The following EPB41L4A variants were observed in gnomAD, a reference collection of about 807,000 sequenced individuals.
The protein encoded by EPB41L4A is band 4.1-like protein 4A.
In EPB41L4A, 100 loss-of-function variants were observed where a neutral mutation model predicts 108.6. The observed-to-expected ratio is 0.92, with a 90% confidence interval of 0.78 to 1.09. The LOEUF (loss-of-function observed/expected upper bound fraction) is 1.09, where lower values mean the gene tolerates loss of function less well. EPB41L4A is among the 50% of genes least tolerant of loss of function. The probability of loss-of-function intolerance (pLI) is 0.00; values close to 1 mark genes in which losing one functional copy is unlikely to be tolerated. For synonymous variants in EPB41L4A, 319 were observed against 289.0 expected, an observed-to-expected ratio of 1.10 and a Z score of -1.05; for missense variants, 1,030 against 842.7, an observed-to-expected ratio of 1.22 and a Z score of -2.75.
At chr5:112,270,568 G>A (rs756179475) in intron 4 of EPB41L4A, among the ~76,000 whole-genome samples, 3 of 152,084 alleles carry the variant, frequency 2.0e-5, no homozygotes, top group Non-Finnish European at 4.4e-5. Flanking sequence ...TGAAAATATG[G>A]AAACAAATAG....
intron 1 of EPB41L4A, among the ~76,000 whole-genome samples, chr5:112,399,333 G>A (rs1761584058): frequency 6.6e-6 from 1 of 151,972 alleles, no homozygotes; most frequent in Non-Finnish European, 1.5e-5. Flanking sequence ...AGATTCCCCT[G>A]TTGTATACTC....
At position 112,184,066 on chromosome 5, in the gene EPB41L4A, T is replaced by C. The variant is rs748773748; in HGVS notation, c.1572A>G (p.Glu524=). 2 of 1,614,090 alleles carry C rather than the reference T, an allele frequency of 1.2e-6. No homozygotes were observed. Among genetic ancestry groups the C allele is most frequent in the Admixed American group, 3.3e-5 (2 of 60,016 alleles). ...QWEAVLRRQK[E]KNQADPNNRR... is the part of the protein sequence containing the mutation. ...TGTTGTTGGGGTCGGCTTGGTTTTT[T>C]TCCTTTTGTCTCCTTAATACAGCTT... Residue 524 remains glutamate (E), a synonymous_variant, in exon 18 of 23, where the codon GAA becomes GAG. Transcript: ENST00000261486.
At chr5:112,311,854 G>A (rs1257558730) in intron 1 of EPB41L4A, among the ~76,000 whole-genome samples, 23 of 152,128 alleles carry the variant, frequency 1.5e-4, no homozygotes, top group Admixed American at 1.5e-3. Context: ...TCTCACTTAT[G>A]GGTCCTTTCT....
Position 112,205,559 on chromosome 5 carries a change from C to T in EPB41L4A, c.1179-55G>A. 7.6e-6 allele frequency: 10 copies of T among 1,322,502 alleles called. 1 individual carries two copies. The highest frequency in any genetic ancestry group is 2.6e-5 in the South Asian group (2 of 77,788). The allele number at this position is 1,322,502 out of a possible 1,614,324, so 81.9% of individuals were successfully genotyped here. A position where few individuals can be genotyped will look rare whatever the true frequency, so the allele number is the denominator to read the frequency against. Reference sequence around the variant, plus strand: ...AAATTAAGTAGAAAATAAAAGTAAACTCACATACTTATTTGTTAAGTAAAA... The same window carrying T: ...AAATTAAGTAGAAAATAAAAGTAAATTCACATACTTATTTGTTAAGTAAAA... On this transcript the variant is annotated intron_variant, in intron 13 of 22. Transcript: ENST00000261486.
chr5:112,304,585 T>C (rs901830902), intron 2 of EPB41L4A, among the ~76,000 whole-genome samples: 3 of 152,188 alleles, frequency 2.0e-5, no homozygotes, highest in Non-Finnish European at 4.4e-5. Flanking sequence ...ACAAAACTCA[T>C]CTTCAAAAAT....
At chr5:112,401,174 A>G (rs938102140) in intron 1 of EPB41L4A, among the ~76,000 whole-genome samples, 2 of 152,192 alleles carry the variant, frequency 1.3e-5, no homozygotes, top group Non-Finnish European at 2.9e-5. Flanking sequence ...AAGTCACAGT[A>G]ACCTGCAGAA....
At chr5:112,357,620 C>G (rs367807) in intron 1 of EPB41L4A, among the ~76,000 whole-genome samples, 132,904 of 152,204 alleles carry the variant, frequency 0.87, 58,150 homozygotes, top group South Asian at 0.97. Context: ...GAGCATCCCT[C>G]AAATGTGAAA....
rs1751367248 is a variant in EPB41L4A at position 112,259,814 on chromosome 5, C to T, written c.731+77G>A. On this transcript the variant is annotated intron_variant, in intron 8 of 22. Transcript: ENST00000261486. ...CTGGAAATATACCTGTTTTCTTTTC[C>T]CCAACTCTTTCACTGACACAGGAGT... 2.8e-6 allele frequency: 3 copies of T among 1,060,308 alleles called. No individual in the cohort carries two copies. In the East Asian group the frequency reaches 7.1e-5, roughly 25 times the overall value. 65.7% of individuals were successfully genotyped at this position (1,060,308 alleles called of 1,614,324 possible).
intron 12 of EPB41L4A, chr5:112,228,706 G>C (rs1379454571): frequency 2.0e-6 from 2 of 985,252 alleles, no homozygotes; most frequent in African/African-American, 1.7e-5. Flanking sequence ...GAATCCAACT[G>C]TGTGAGTTGC....
intron 1 of EPB41L4A, among the ~76,000 whole-genome samples, chr5:112,381,229 T>A (rs977139276): frequency 3.3e-5 from 5 of 152,218 alleles, no homozygotes; most frequent in Non-Finnish European, 7.3e-5. Context: ...TATTAAAAAA[T>A]TCAAATCAGA....
chr5:112,304,057 G>A (rs1204654313), intron 2 of EPB41L4A, among the ~76,000 whole-genome samples: 1 of 152,066 alleles, frequency 6.6e-6, no homozygotes, highest in Non-Finnish European at 1.5e-5. Flanking sequence ...TGTGTTTGGG[G>A]GTGGGGTGGT....
chr5:112,402,676 T>C (rs1761843423), intron 1 of EPB41L4A, among the ~76,000 whole-genome samples: 1 of 152,200 alleles, frequency 6.6e-6, no homozygotes. Context: ...AAAAAATCCT[T>C]GCCTCCTTTT....
At position 112,164,216 on chromosome 5, in the gene EPB41L4A, A is replaced by C. The variant is rs1022442941; in HGVS notation, c.*774T>G. 7 of 152,254 alleles carry C rather than the reference A, an allele frequency of 4.6e-5. No homozygotes were observed. Among genetic ancestry groups the C allele is most frequent in the African/African-American group, 1.7e-4 (7 of 41,468 alleles). The allele number at this position is 152,254 out of a possible 1,614,324, so 9.4% of individuals were successfully genotyped here. On this transcript the variant is annotated 3_prime_UTR_variant, in exon 23 of 23. Coordinates refer to ENST00000261486, the MANE Select transcript of EPB41L4A (RefSeq NM_022140.5). The stretch of plus-strand genomic sequence containing the variant: ...ATTTGTAAATAACTGGTGGAACTTA[A>C]CACCACAAAATAAAGTATTATAAAG...
intron 4 of EPB41L4A, among the ~76,000 whole-genome samples, chr5:112,271,127 C>A (rs989708473): frequency 1.3e-5 from 2 of 152,122 alleles, no homozygotes; most frequent in African/African-American, 4.8e-5. Flanking sequence ...CAGATAGTTA[C>A]TGAATGAAGT....
At chr5:112,348,592 G>T (rs1247131195) in intron 1 of EPB41L4A, among the ~76,000 whole-genome samples, 1 of 152,152 alleles carries the variant, frequency 6.6e-6, no homozygotes, top group Non-Finnish European at 1.5e-5. Flanking sequence ...TGGGGGAGGG[G>T]TGAGCTCACG....
At chr5:112,238,742 T>C (rs1276682573) in intron 11 of EPB41L4A, among the ~76,000 whole-genome samples, 1 of 152,214 alleles carries the variant, frequency 6.6e-6, no homozygotes, top group African/African-American at 2.4e-5. Flanking sequence ...TGAATAATAC[T>C]ATAGCTCTTT....
chr5:112,355,289 T>C (rs1488959313), intron 1 of EPB41L4A, among the ~76,000 whole-genome samples: 3 of 152,366 alleles, frequency 2.0e-5, no homozygotes, highest in African/African-American at 4.8e-5. Flanking sequence ...AATTAAGCAA[T>C]GCAGTGCATG....
At chr5:112,391,093 A>G (rs1426558697) in intron 1 of EPB41L4A, among the ~76,000 whole-genome samples, 2 of 152,250 alleles carry the variant, frequency 1.3e-5, no homozygotes, top group Admixed American at 1.3e-4. Flanking sequence ...GACCAAAGGT[A>G]GATAAAACCA....
intron 12 of EPB41L4A, chr5:112,228,163 G>C (rs1748603462): frequency 6.6e-6 from 1 of 152,194 alleles, no homozygotes; most frequent in Non-Finnish European, 1.5e-5. Flanking sequence ...CAGCCCTCAA[G>C]CCAAATCTGT....
Sources: gnomAD v4.1 joint callset for allele counts (sites outside exome capture counted in the v4.1 genomes callset) on GRCh38, gnomAD v4.1.1 for gene constraint, MANE v1.5 for transcripts, NCBI Gene and HGNC (gene_info 2026-07-23, HGNC 2026-07-21) for gene names.